The following ARHGAP42 variants were observed in gnomAD, a reference collection of about 807,000 sequenced individuals.
ARHGAP42 encodes rho GTPase-activating protein 42.
ARHGAP42 carries 63 observed loss-of-function variants against 125.0 expected under a neutral mutation model. The observed-to-expected ratio is 0.50, with a 90% confidence interval of 0.41 to 0.62. The LOEUF is 0.62. Ranked by LOEUF, ARHGAP42 falls within the 20% of genes least tolerant of loss-of-function variation. ARHGAP42 has a pLI of 0.00. For missense variants in ARHGAP42, 766 were observed against 1,024.2 expected (o/e 0.75, Z 3.44); for synonymous variants, 339 against 351.0 (o/e 0.97, Z 0.38).
intron 2 of ARHGAP42, among the ~76,000 whole-genome samples, chr11:100,780,043 A>C (rs1389340212): frequency 1.3e-5 from 2 of 151,818 alleles, no homozygotes; most frequent in Non-Finnish European, 2.9e-5. Context: ...AAAAAAAAAA[A>C]CAAGTTTTAA....
At chr11:100,907,716 G>T (rs1443519899) in intron 4 of ARHGAP42, among the ~76,000 whole-genome samples, 2 of 152,156 alleles carry the variant, frequency 1.3e-5, no homozygotes, top group Non-Finnish European at 2.9e-5. Flanking sequence ...AATCAGAGGT[G>T]GTGATGCTGC....
At chr11:100,966,306 A>C (rs1858092987) in intron 17 of ARHGAP42, among the ~76,000 whole-genome samples, 1 of 152,178 alleles carries the variant, frequency 6.6e-6, no homozygotes, top group Admixed American at 6.5e-5. Context: ...TATCTGCAGA[A>C]ACAAAAGCAA....
intron 1 of ARHGAP42, among the ~76,000 whole-genome samples, chr11:100,737,957 A>G (rs2120334516): frequency 6.6e-6 from 1 of 152,310 alleles, no homozygotes; most frequent in Non-Finnish European, 1.5e-5. Flanking sequence ...AAGATTGCAA[A>G]GTCTTTATAC....
At chr11:100,823,319 A>G (rs11224473) in intron 3 of ARHGAP42, among the ~76,000 whole-genome samples, 12,582 of 152,198 alleles carry the variant, frequency 0.083, 563 homozygotes, top group East Asian at 0.18. Context: ...GACAACTTGC[A>G]GGATTGCCTG....
At chr11:100,755,911 T>C (rs547072834) in intron 1 of ARHGAP42, among the ~76,000 whole-genome samples, 52 of 152,292 alleles carry the variant, frequency 3.4e-4, no homozygotes, top group African/African-American at 1.2e-3. Flanking sequence ...CATTAGGTTA[T>C]TAACTATTTG....
At chr11:100,905,034 G>A (rs533636954) in intron 4 of ARHGAP42, among the ~76,000 whole-genome samples, 2 of 152,296 alleles carry the variant, frequency 1.3e-5, no homozygotes, top group African/African-American at 4.8e-5. Flanking sequence ...TGAGCCAGGT[G>A]TCAGCATACC....
At chr11:100,779,552 A>ATACATACGTATACATACGTATATATACG in intron 2 of ARHGAP42, among the ~76,000 whole-genome samples, 1 of 87,342 alleles carries the variant, frequency 1.1e-5, no homozygotes, top group Non-Finnish European at 2.3e-5. Flanking sequence ...ATATATATAC[A>ATACATACGTATACATACGTATATATACG]TATACATACG....
chr11:100,736,243 T>C (rs1189603701), intron 1 of ARHGAP42, among the ~76,000 whole-genome samples: 1 of 152,194 alleles, frequency 6.6e-6, no homozygotes, highest in Non-Finnish European at 1.5e-5. Flanking sequence ...CATCATTTTG[T>C]GAAGCTTTGT....
chr11:100,880,178 G>A (rs1371638999), intron 4 of ARHGAP42, among the ~76,000 whole-genome samples: 7 of 152,080 alleles, frequency 4.6e-5, no homozygotes, highest in African/African-American at 1.7e-4. Flanking sequence ...AGTGGTGATT[G>A]GTGAGATTTT....
intron 4 of ARHGAP42, among the ~76,000 whole-genome samples, chr11:100,908,835 A>G (rs1331282347): frequency 6.6e-6 from 1 of 152,260 alleles, no homozygotes; most frequent in Non-Finnish European, 1.5e-5. Context: ...TGTTTTCCAT[A>G]GAAATAATTT....
At chr11:100,884,646 A>G (rs117140480) in intron 4 of ARHGAP42, among the ~76,000 whole-genome samples, 304 of 152,270 alleles carry the variant, frequency 2.0e-3, no homozygotes, top group Non-Finnish European at 3.2e-3. Context: ...ATTTCCTGAT[A>G]TTTAGTTCAG....
chr11:100,814,574 G>A (rs1214372951), intron 3 of ARHGAP42, among the ~76,000 whole-genome samples: 1 of 152,132 alleles, frequency 6.6e-6, no homozygotes, highest in African/African-American at 2.4e-5. Context: ...TGTACAGGAA[G>A]CATAGCAACT....
At chr11:100,693,639 C>T (rs559254287) in intron 1 of ARHGAP42, among the ~76,000 whole-genome samples, 10 of 152,170 alleles carry the variant, frequency 6.6e-5, no homozygotes, top group East Asian at 3.9e-4. Context: ...CTCCTGGGTT[C>T]GGTCAGAGAA....
chr11:100,955,770 G>A (rs761143288), intron 12 of ARHGAP42, among the ~76,000 whole-genome samples: 5 of 151,060 alleles, frequency 3.3e-5, no homozygotes, highest in African/African-American at 7.3e-5. Flanking sequence ...CCTTTCCATC[G>A]ACATTTGAAC....
At chr11:100,752,324 G>C (rs1862479426) in intron 1 of ARHGAP42, among the ~76,000 whole-genome samples, 3 of 152,212 alleles carry the variant, frequency 2.0e-5, no homozygotes, top group Non-Finnish European at 1.5e-5. Flanking sequence ...GGCCCTTCAT[G>C]AGCACCAGGG....
At position 100,808,927 on chromosome 11, in the gene ARHGAP42, C is replaced by A. The variant is rs534967036; in HGVS notation, c.312+13761C>A. Among the ~76,000 whole-genome samples the A allele has an allele frequency of 7.2e-5, 11 of 152,214 alleles. No homozygotes were observed. The East Asian group carries it at 2.1e-3, about 29-fold the overall frequency. On this transcript the variant is annotated intron_variant, in intron 3 of 23. Transcript: ENST00000298815. ...ACTCTTAGGGGTTCTTATCAAGATG[C>A]TATGTTACTTCATCCTGTGATTTAT...
At chr11:100,734,326 C>T (rs896710214) in intron 1 of ARHGAP42, among the ~76,000 whole-genome samples, 26 of 152,178 alleles carry the variant, frequency 1.7e-4, no homozygotes, top group African/African-American at 6.3e-4. Context: ...GTTGCCCAGG[C>T]TTGAGTGCAA....
At chr11:100,764,722 A>G (rs1862790486) in intron 1 of ARHGAP42, among the ~76,000 whole-genome samples, 1 of 152,206 alleles carries the variant, frequency 6.6e-6, no homozygotes. Context: ...AGGGGCTTGG[A>G]GTATTTACCC....
At chr11:100,978,576 G>A (rs1336353526) in intron 21 of ARHGAP42, among the ~76,000 whole-genome samples, 1 of 151,624 alleles carries the variant, frequency 6.6e-6, no homozygotes. Flanking sequence ...ATTATAATTA[G>A]TGTTTTCTTA....
Sources: allele counts gnomAD v4.1 joint callset (sites outside exome capture counted in the v4.1 genomes callset), GRCh38; gene constraint gnomAD v4.1.1; transcripts MANE v1.5; gene names NCBI Gene and HGNC (gene_info 2026-07-23, HGNC 2026-07-21).